The following DPP6 variants were observed in gnomAD, a reference collection of about 807,000 sequenced individuals.
The protein encoded by DPP6 is dipeptidyl peptidase like 6, also known as A-type potassium channel modulatory protein DPP6.
Under a neutral mutation model 122.6 loss-of-function variants are expected in DPP6, and 69 were observed. The observed-to-expected ratio is 0.56, with a 90% confidence interval of 0.46 to 0.69. DPP6 has a LOEUF of 0.69. Ranked by LOEUF, DPP6 falls within the 30% of genes least tolerant of loss-of-function variation. The probability of loss-of-function intolerance (pLI) is 0.00; values close to 1 mark genes in which losing one functional copy is unlikely to be tolerated. For synonymous variants in DPP6, 418 were observed against 433.1 expected, an observed-to-expected ratio of 0.97 and a Z score of 0.43; for missense variants, 928 against 1,116.9, an observed-to-expected ratio of 0.83 and a Z score of 2.41.
chr7:154,392,882 C>T (rs997235229), intron 1 of DPP6, among the ~76,000 whole-genome samples: 3 of 152,138 alleles, frequency 2.0e-5, no homozygotes, highest in South Asian at 2.1e-4. Flanking sequence ...TTGGTGAGCA[C>T]GCGGGGCTGG....
At chr7:154,306,669 A>G (rs1454133327) in intron 1 of DPP6, among the ~76,000 whole-genome samples, 1 of 152,184 alleles carries the variant, frequency 6.6e-6, no homozygotes, top group African/African-American at 2.4e-5. Flanking sequence ...CCCAAAGCCC[A>G]TTTATCGATA....
At chr7:153,844,522 T>A in the DPP6 span, among the ~76,000 whole-genome samples, 4 of 152,344 alleles carry the variant, frequency 2.6e-5, no homozygotes, top group South Asian at 8.3e-4. Context: ...TAATCAACCT[T>A]GATTTTTGTA....
chr7:154,687,028 A>C (rs1839654285), intron 7 of DPP6, among the ~76,000 whole-genome samples: 1 of 152,036 alleles, frequency 6.6e-6, no homozygotes, highest in Non-Finnish European at 1.5e-5. Context: ...TACCATTTAC[A>C]TTTTGAACAT....
At chr7:154,736,248 A>G (rs1842564401) in intron 8 of DPP6, among the ~76,000 whole-genome samples, 2 of 152,244 alleles carry the variant, frequency 1.3e-5, no homozygotes, top group African/African-American at 2.4e-5. Flanking sequence ...GCAGACATTG[A>G]GTCCAGCAGT....
chr7:154,756,732 C>T (rs1843693284), intron 8 of DPP6, among the ~76,000 whole-genome samples: 1 of 152,186 alleles, frequency 6.6e-6, no homozygotes, highest in Non-Finnish European at 1.5e-5. Flanking sequence ...TGTCCATATT[C>T]TCCTTCCTGG....
chr7:154,142,300 G>T (rs1340475674), intron 1 of DPP6, among the ~76,000 whole-genome samples: 9 of 152,116 alleles, frequency 5.9e-5, no homozygotes, highest in African/African-American at 2.2e-4. Context: ...CTGGAATTTA[G>T]TTGGCATTGG....
In DPP6 at chr7:154,872,703, G is replaced by A. The variant is rs896671723; in HGVS notation, c.1883+10G>A. 9.4e-6 allele frequency: 15 copies of A among 1,587,718 alleles called. No homozygotes were observed. Among genetic ancestry groups the A allele is most frequent in the East Asian group, 9.2e-5 (4 of 43,602 alleles). ...CTCTGCTCCTGGTGGTGTAAGTATC[G>A]TCACATCTGTCTTTCCCTGGTGCTC... On this transcript the variant is annotated intron_variant, in intron 19 of 25. Coordinates refer to ENST00000377770, the MANE Select transcript of DPP6 (RefSeq NM_130797.4).
chr7:154,016,063 G>A (rs891871967), intron 1 of DPP6, among the ~76,000 whole-genome samples: 1 of 152,060 alleles, frequency 6.6e-6, no homozygotes, highest in Non-Finnish European at 1.5e-5. Context: ...TTCTGCATCA[G>A]TGCCTTTGCT....
intron 2 of DPP6, among the ~76,000 whole-genome samples, chr7:154,463,885 GTC>G (rs1161512597): frequency 3.9e-5 from 6 of 152,132 alleles, no homozygotes; most frequent in African/African-American, 1.4e-4. Flanking sequence ...GAGGGAAAGA[GTC>G]TCTCCTAGAG....
At chr7:154,738,327 C>A (rs542109412) in intron 8 of DPP6, among the ~76,000 whole-genome samples, 1 of 152,208 alleles carries the variant, frequency 6.6e-6, no homozygotes, top group Non-Finnish European at 1.5e-5. Context: ...GACTTCCTTG[C>A]TCCAAATCTT....
chr7:154,677,374 A>C (rs912338142), intron 7 of DPP6, among the ~76,000 whole-genome samples: 8 of 150,528 alleles, frequency 5.3e-5, no homozygotes, highest in Non-Finnish European at 1.0e-4. Context: ...AAGATTCAAG[A>C]AAATTGGAGT....
At chr7:154,793,883 CTGGGCGGCCCCTCAGAGT>C (rs1797842097) in intron 10 of DPP6, 178 bp from the exon 11 acceptor site, 1 of 767,974 alleles carries the variant, frequency 1.3e-6, no homozygotes, top group Admixed American at 3.2e-5. Context: ...GAGGTAATGA[CTGGGCGGCCCCTCAGAGT>C]CCCGCGCCAG....
At chr7:154,822,597 T>C (rs1161905050) in intron 16 of DPP6, among the ~76,000 whole-genome samples, 1 of 152,084 alleles carries the variant, frequency 6.6e-6, no homozygotes, top group African/African-American at 2.4e-5. Flanking sequence ...ACTTTGTGGG[T>C]TCAGGGGACA....
At chr7:154,298,609 A>G (rs1805698695) in intron 1 of DPP6, among the ~76,000 whole-genome samples, 1 of 152,194 alleles carries the variant, frequency 6.6e-6, no homozygotes, top group Admixed American at 6.5e-5. Context: ...TTAACCAAAG[A>G]AAAAATCATT....
chr7:153,996,453 G>A (rs1797438676), intron 1 of DPP6, among the ~76,000 whole-genome samples: 1 of 151,544 alleles, frequency 6.6e-6, no homozygotes, highest in Non-Finnish European at 1.5e-5. Context: ...ACCTCCTCTG[G>A]CCATCCTAGC....
intron 1 of DPP6, among the ~76,000 whole-genome samples, chr7:153,935,426 G>A (rs1397136197): frequency 6.6e-6 from 1 of 152,140 alleles, no homozygotes; most frequent in African/African-American, 2.4e-5. Context: ...CACGTACACC[G>A]GCCTAACCTC....
intron 1 of DPP6, among the ~76,000 whole-genome samples, chr7:154,306,745 C>T (rs1022380850): frequency 1.3e-5 from 2 of 152,144 alleles, no homozygotes; most frequent in Non-Finnish European, 2.9e-5. Flanking sequence ...AGTTTTATGT[C>T]ATCTGGGAAG....
intron 1 of DPP6, among the ~76,000 whole-genome samples, chr7:154,354,818 C>A (rs1811143513): frequency 6.6e-6 from 1 of 152,198 alleles, no homozygotes; most frequent in Non-Finnish European, 1.5e-5. Flanking sequence ...CAGACTTGAT[C>A]ATTATGCACA....
At chr7:154,883,186 CACAT>C (rs1805564577) in intron 21 of DPP6, among the ~76,000 whole-genome samples, 3 of 138,960 alleles carry the variant, frequency 2.2e-5, no homozygotes, top group East Asian at 2.3e-4. Flanking sequence ...CACAAATGCT[CACAT>C]ACACGCTCAC....
Sources: gnomAD v4.1 joint callset for allele counts (sites outside exome capture counted in the v4.1 genomes callset) on GRCh38, gnomAD v4.1.1 for gene constraint, MANE v1.5 for transcripts, NCBI Gene and HGNC (gene_info 2026-07-23, HGNC 2026-07-21) for gene names.